Variants in SH2D3C observed in about 807,000 individuals in gnomAD.
SH2D3C encodes SH2 domain containing 3C.
SH2D3C carries 25 observed loss-of-function variants against 75.2 expected under a neutral mutation model. The ratio of observed to expected loss-of-function variants is 0.33; its 90% CI spans 0.24 to 0.46. The LOEUF (loss-of-function observed/expected upper bound fraction) is 0.46, where lower values mean the gene tolerates loss of function less well. SH2D3C is among the 20% of genes least tolerant of loss of function. The pLI, the probability that SH2D3C is intolerant of heterozygous loss-of-function variation, is 1.00. For missense variants in SH2D3C, 933 were observed against 1,165.3 expected, an observed-to-expected ratio of 0.80 and a Z score of 2.90; for synonymous variants, 450 against 473.7, an observed-to-expected ratio of 0.95 and a Z score of 0.65.
chr9:127,741,994 G>C (rs1026942347), intron 8 of SH2D3C, 35 bp from the exon 9 acceptor site: 6 of 1,569,910 alleles, frequency 3.8e-6, no homozygotes, highest in Non-Finnish European at 5.2e-6. Context: ...CGGCGGGCTC[G>C]GGGACAGGGG....
intron 2 of SH2D3C, chr9:127,766,913 A>T: frequency 6.5e-7 from 1 of 1,530,798 alleles, no homozygotes; most frequent in Non-Finnish European, 8.7e-7. Context: ...ACCGCAGAGA[A>T]GCAACGGGCA....
intron 3 of SH2D3C, among the ~76,000 whole-genome samples, chr9:127,760,823 A>G (rs1845508359): frequency 6.6e-6 from 1 of 152,012 alleles, no homozygotes; most frequent in African/African-American, 2.4e-5. Context: ...ATTTATGATT[A>G]TTATTATTAC....
At chr9:127,741,762 T>C (rs1196605375) in intron 9 of SH2D3C, 26 bp downstream of exon 9, 1 of 1,609,038 alleles carries the variant, frequency 6.2e-7, no homozygotes, top group South Asian at 1.1e-5. Context: ...GTCTACCGGG[T>C]GCCAGCTCTG....
Position 127,774,413 on chromosome 9 carries a change from G to A in SH2D3C, c.92C>T (p.Thr31Ile). 1.2e-6 allele frequency: 2 copies of A among 1,613,444 alleles called. No individual in the cohort carries two copies. The highest frequency in any genetic ancestry group is 1.1e-5 in the South Asian group (1 of 91,064). Residue 31 changes from threonine (T) to isoleucine (I), a missense_variant, in exon 2 of 12, where the codon ACT becomes ATT. Physicochemically the swap from Thr to Ile is moderately conservative, Grantham distance 89 (BLOSUM62 -1). Transcript: ENST00000314830. The surrounding 1 kb of genome is among the most constrained non-coding windows in gnomAD (Gnocchi z 4.3). Reference protein sequence around the residue: ...GSLSNLPRSFTLRRSSASISR... With the variant: ...GSLSNLPRSFILRRSSASISR... The stretch of plus-strand genomic sequence containing the variant: ...GATGGAAGCTGAGGATCGTCTCAGA[G>A]TGAAGGACCGAGGGAGGTTGGAGAG...
intron 5 of SH2D3C, among the ~76,000 whole-genome samples, chr9:127,747,583 C>T (rs191926658): frequency 6.6e-6 from 1 of 151,470 alleles, no homozygotes; most frequent in Non-Finnish European, 1.5e-5. Context: ...GCCCAGACTG[C>T]AGTGCAGTGG....
At chr9:127,765,365 A>G (rs1035123100) in intron 2 of SH2D3C, among the ~76,000 whole-genome samples, 9 of 152,154 alleles carry the variant, frequency 5.9e-5, no homozygotes, top group African/African-American at 2.2e-4. Context: ...TCAGCCCCAC[A>G]AGGACAAGGG....
rs1194474718 is a variant in SH2D3C at position 127,754,816 on chromosome 9, C to A, written c.556-3516G>T. The A allele has an allele frequency of 4.1e-6, 2 of 485,586 alleles. No homozygotes were observed. Among genetic ancestry groups the A allele is most frequent in the Non-Finnish European group, 8.4e-6 (2 of 236,978 alleles). 30.1% of individuals were successfully genotyped at this position (485,586 alleles called of 1,614,324 possible). ...CCCTGCCCCAGCTCTCTCCCTCCTG[C>A]GGAGGAGGCAGAAACGGACCGGCAT... On this transcript the variant is annotated intron_variant, in intron 3 of 11. Transcript: ENST00000314830. The surrounding 1 kb of genome is among the most constrained non-coding windows in gnomAD (Gnocchi z 4.4).
rs756429820 is a variant in SH2D3C, at chr9:127,738,909, C to A, written c.2420G>T (p.Arg807Leu). 1 of 1,582,490 alleles carries A rather than the reference C, an allele frequency of 6.3e-7. No homozygotes were observed. The change falls in exon 12 of 12, where the codon CGG becomes CTG. Residue 807 changes from arginine to leucine, a missense_variant. By Grantham distance (102) the Arg-to-Leu change is moderately radical. Transcript: ENST00000314830. This position sits in a 1 kb window ranked among gnomAD's most constrained non-coding sequence, Gnocchi z 5.0. ...GCTGAACACCTCCAGGAGCTCCGGC[C>A]GGGCCTGGAACCCTGCAGTGTTGGG... ...AEVKLQGFQA[R>L]PELLEVFSTE...
Position 127,749,450 on chromosome 9 carries a change from A to C in SH2D3C, c.900T>G (p.His300Gln). ...FDHVPALVRY[H>Q]VGSRKAVSEQ... ...CTGACACAGCCTTGCGGCTGCCCAC[A>C]TGATAGCGCACGAGGGCGGGCACGT... Residue 300 changes from histidine to glutamine, a missense_variant, in exon 5 of 12, where the codon CAT (histidine) becomes CAG (glutamine). By Grantham distance (24) the His-to-Gln change is conservative. Transcript: ENST00000314830. The surrounding 1 kb of genome is among the most constrained non-coding windows in gnomAD (Gnocchi z 5.9). The C allele has an allele frequency of 6.2e-7, 1 of 1,614,188 alleles. No individual in the cohort carries two copies. Among genetic ancestry groups the C allele is most frequent in the Non-Finnish European group, 8.5e-7 (1 of 1,180,026 alleles).
Position 127,751,674 on chromosome 9 carries a change from G to GA in SH2D3C, c.556-375dup, listed in dbSNP as rs1845207843. Among the ~76,000 whole-genome samples, 1 of 152,240 alleles carries GA rather than the reference G, an allele frequency of 6.6e-6. No individual in the cohort carries two copies. The highest frequency in any genetic ancestry group is 1.5e-5 in the Non-Finnish European group (1 of 68,048). Reference sequence around the variant, plus strand: ...AGAGCCGGGTGGCTTTTACAAGCGGGATTAAGCCTGGGCACGACAGAGGGG... The same window carrying GA: ...AGAGCCGGGTGGCTTTTACAAGCGGGAATTAAGCCTGGGCACGACAGAGGGG... On this transcript the variant is annotated intron_variant, in intron 3 of 11. Transcript: ENST00000314830. This position sits in a 1 kb window ranked among gnomAD's most constrained non-coding sequence, Gnocchi z 4.1.
chr9:127,767,305 C>T, intron 2 of SH2D3C: 1 of 1,438,056 alleles, frequency 7.0e-7, no homozygotes. Flanking sequence ...AAGGCATCTA[C>T]TGAGTGCTAG....
At chr9:127,772,239 CTTT>C (rs68153880) in intron 2 of SH2D3C, among the ~76,000 whole-genome samples, 6 of 120,470 alleles carry the variant, frequency 5.0e-5, no homozygotes, top group African/African-American at 1.0e-4. Flanking sequence ...GCTCAGGTGG[CTTT>C]TTTTTTTTTT....
Position 127,742,833 on chromosome 9 carries a change from G to A in SH2D3C, c.1916+16C>T, listed in dbSNP as rs573022434. Reference sequence around the variant, plus strand: ...GGGGGTTCCCCGCGAGTCCCCGGGTGCCGGCGCTGTCTCACCTTTCCAGCA... The same window carrying A: ...GGGGGTTCCCCGCGAGTCCCCGGGTACCGGCGCTGTCTCACCTTTCCAGCA... On this transcript the variant is annotated intron_variant, in intron 8 of 11. Coordinates refer to ENST00000314830, the MANE Select transcript of SH2D3C (RefSeq NM_170600.3). The A allele has an allele frequency of 6.3e-7, 1 of 1,596,570 alleles. No homozygotes were observed. The highest frequency in any genetic ancestry group is 8.6e-7 in the Non-Finnish European group (1 of 1,168,306).
chr9:127,755,702 T>C (rs144663194), intron 3 of SH2D3C, among the ~76,000 whole-genome samples: 195 of 152,320 alleles, frequency 1.3e-3, no homozygotes, highest in African/African-American at 4.5e-3. Flanking sequence ...TCAGAGACTC[T>C]GCTGGGAATC....
rs773326869 is a variant in SH2D3C at position 127,749,522 on chromosome 9, C to T, written c.828G>A (p.Glu276=). 5 of 1,614,096 alleles carry T rather than the reference C, an allele frequency of 3.1e-6. No homozygotes were observed. The South Asian group carries it at 5.5e-5, about 18-fold the overall frequency. Residue 276 remains glutamate, a synonymous_variant, in exon 5 of 12, where the codon GAG becomes GAA. Transcript: ENST00000314830. This position sits in a 1 kb window ranked among gnomAD's most constrained non-coding sequence, Gnocchi z 5.9. ...ACAGGTACTGGATGTGTGTGTAGCTCTCGCCTGCCTTCACCACCACCTTGT... is the reference window on the plus strand; with the variant it reads ...ACAGGTACTGGATGTGTGTGTAGCTTTCGCCTGCCTTCACCACCACCTTGT... ...KINKVVVKAG[E]SYTHIQYLFE...
intron 2 of SH2D3C, among the ~76,000 whole-genome samples, chr9:127,772,239 CT>C (rs68153880): frequency 0.073 from 8,779 of 120,448 alleles, 511 homozygotes; most frequent in African/African-American, 0.22. Context: ...GCTCAGGTGG[CT>C]TTTTTTTTTT....
intron 1 of SH2D3C, 24 bp downstream of exon 1, chr9:127,778,567 G>C: frequency 2.5e-6 from 4 of 1,591,086 alleles, no homozygotes; most frequent in Non-Finnish European, 3.5e-6. Flanking sequence ...ATGGAGGACA[G>C]TGCAGACGGC....
chr9:127,752,935 G>A (rs1328228667), intron 3 of SH2D3C, among the ~76,000 whole-genome samples: 2 of 152,152 alleles, frequency 1.3e-5, no homozygotes, highest in Non-Finnish European at 2.9e-5. Context: ...AGGTCTGAAG[G>A]ACTGGGTGAG....
chr9:127,772,264 T>C (rs1288678280), intron 2 of SH2D3C, among the ~76,000 whole-genome samples: 1 of 146,782 alleles, frequency 6.8e-6, no homozygotes, highest in Non-Finnish European at 1.5e-5. Flanking sequence ...TTTTTTGAGT[T>C]GGAGTCTCGC....
Sources: gnomAD v4.1 joint callset for allele counts (sites outside exome capture counted in the v4.1 genomes callset) on GRCh38, gnomAD v4.1.1 for gene constraint, Gnocchi (gnomAD v3.1) non-coding constraint, MANE v1.5 for transcripts, NCBI Gene and HGNC (gene_info 2026-07-23, HGNC 2026-07-21) for gene names.